The following DNAH5 variants were observed in gnomAD, a reference collection of about 807,000 sequenced individuals.
DNAH5 encodes dynein axonemal heavy chain 5.
Under a neutral mutation model 518.2 loss-of-function variants are expected in DNAH5, and 372 were observed. The ratio of observed to expected loss-of-function variants is 0.72; its 90% CI spans 0.66 to 0.78. DNAH5 has a LOEUF of 0.78. Ranked by LOEUF, DNAH5 falls within the 30% of genes least tolerant of loss-of-function variation. The pLI, the probability that DNAH5 is intolerant of heterozygous loss-of-function variation, is 0.00. For synonymous variants in DNAH5, 2,039 were observed against 2,025.9 expected, an observed-to-expected ratio of 1.01 and a Z score of -0.17; for missense variants, 5,523 against 5,687.0, an observed-to-expected ratio of 0.97 and a Z score of 0.93.
intron 74 of DNAH5, 103 bp from the exon 75 acceptor site, chr5:13,714,723 A>G: frequency 2.8e-6 from 3 of 1,087,422 alleles, no homozygotes; most frequent in Non-Finnish European, 4.1e-6. Flanking sequence ...GTATGCATTT[A>G]CTTAAGTCTT....
At chr5:14,008,246 G>A in intron 1 of DNAH5, among the ~76,000 whole-genome samples, 2 of 109,896 alleles carry the variant, frequency 1.8e-5, no homozygotes, top group African/African-American at 7.7e-5. Context: ...TTAGAAGGAA[G>A]GAAAGAAGGA....
rs79753205 is a variant in DNAH5, at chr5:13,814,258, T to C, written c.7230+347A>G. 1.2e-4 allele frequency among the ~76,000 whole-genome samples: 18 copies of C among 152,326 alleles called. No homozygotes were observed. In the East Asian group the frequency reaches 2.9e-3, roughly 25 times the overall value. ...ATGGTCCTCCTAAACTTTATGTGAA[T>C]GTGTACCTTTCAAAAATATCATGAA... On this transcript the variant is annotated intron_variant, in intron 43 of 78. Transcript: ENST00000265104.
At chr5:13,892,668 C>T (rs1773427105) in intron 16 of DNAH5, among the ~76,000 whole-genome samples, 1 of 152,152 alleles carries the variant, frequency 6.6e-6, no homozygotes, top group African/African-American at 2.4e-5. Flanking sequence ...TACTTTAATA[C>T]TAGTGTTCTA....
intron 1 of DNAH5, among the ~76,000 whole-genome samples, chr5:14,008,380 T>A (rs1561078735): frequency 6.6e-6 from 1 of 151,602 alleles, no homozygotes; most frequent in Non-Finnish European, 1.5e-5. Flanking sequence ...TCCAGCACTT[T>A]GGGAGGCCGA....
chr5:13,864,772 G>A (rs1768978734), intron 27 of DNAH5, 135 bp from the exon 28 acceptor site: 1 of 996,274 alleles, frequency 1.0e-6, no homozygotes, highest in African/African-American at 1.6e-5. Context: ...ATGACTTGCA[G>A]GCTGTCTGTT....
In DNAH5 at chr5:13,928,144, C is replaced by T; in HGVS notation, c.227G>A (p.Gly76Asp). Residue 76 changes from glycine to aspartate, a missense_variant, in exon 3 of 79, where the codon GGT becomes GAT. This residue lies in a region of DNAH5 where 5,121 missense variants were observed against 5,223.3 expected (regional missense o/e 0.98). Transcript: ENST00000265104. ...ERIDQLFAVG[G>D]LRHLMFYYQD... Reference sequence around the variant, plus strand: ...ATAGTAAAACATGAGGTGTCGGAGACCTCCAACAGCAAAAAGTTGATCAAT... The same window carrying T: ...ATAGTAAAACATGAGGTGTCGGAGATCTCCAACAGCAAAAAGTTGATCAAT... 1.2e-6 allele frequency: 2 copies of T among 1,613,838 alleles called. No individual in the cohort carries two copies. Among genetic ancestry groups the T allele is most frequent in the African/African-American group, 1.3e-5 (1 of 75,000 alleles).
chr5:13,911,320 C>T (rs553838275), intron 12 of DNAH5, 66 bp downstream of exon 12: 14 of 1,244,912 alleles, frequency 1.1e-5, no homozygotes, highest in Middle Eastern at 1.8e-4. Context: ...TAATGATTAA[C>T]GGCATTATAC....
intron 65 of DNAH5, among the ~76,000 whole-genome samples, chr5:13,744,588 T>C (rs371342760): frequency 6.6e-6 from 1 of 152,078 alleles, no homozygotes; most frequent in South Asian, 2.1e-4. Flanking sequence ...AATATCACTA[T>C]GTACCCCATA....
intron 75 of DNAH5, among the ~76,000 whole-genome samples, chr5:13,712,354 A>G (rs897813309): frequency 6.6e-6 from 1 of 152,242 alleles, no homozygotes; most frequent in African/African-American, 2.4e-5. Flanking sequence ...TAAGACCTGA[A>G]ACTACAAAAA....
intron 65 of DNAH5, among the ~76,000 whole-genome samples, chr5:13,745,421 C>CTT (rs1223473928): frequency 6.6e-6 from 1 of 152,090 alleles, no homozygotes; most frequent in African/African-American, 2.4e-5. Context: ...AAGTATAACT[C>CTT]TGTTAAAATT....
Position 13,739,200 on chromosome 5 carries a change from C to T in DNAH5, c.11212-1705G>A, listed in dbSNP as rs143143302. On this transcript the variant is annotated intron_variant, in intron 65 of 78. Transcript: ENST00000265104. ...GTAGGTGATATGGTTTGGCTCTGTG[C>T]CCCCACTCAAATCTCACCTTGAATT... Among the ~76,000 whole-genome samples, 71 of 152,214 alleles carry T rather than the reference C, an allele frequency of 4.7e-4. 1 individual carries two copies. The East Asian group carries it at 7.7e-3, about 17-fold the overall frequency.
intron 60 of DNAH5, among the ~76,000 whole-genome samples, chr5:13,760,313 A>C (rs1751604964): frequency 6.6e-6 from 1 of 152,178 alleles, no homozygotes; most frequent in African/African-American, 2.4e-5. Context: ...GACTTGTAGA[A>C]CTCTGTGCAG....
In DNAH5 at chr5:13,787,569, G is replaced by C. The variant is rs145444404; in HGVS notation, c.8647+1147C>G. On this transcript the variant is annotated intron_variant, in intron 51 of 78. Coordinates refer to ENST00000265104, the MANE Select transcript of DNAH5 (RefSeq NM_001369.3). ...GAAATAGTGTTTCAATGACACAAAA[G>C]GTTATGCATTTGTCTCTAGACCCTC... Among the ~76,000 whole-genome samples, 8 of 152,210 alleles carry C rather than the reference G, an allele frequency of 5.3e-5. No homozygotes were observed. In the East Asian group the frequency reaches 1.5e-3, roughly 29 times the overall value.
In DNAH5 at chr5:13,770,879, T is replaced by A. The variant is rs775721919; in HGVS notation, c.9475A>T (p.Lys3159Ter). Residue 3159 changes from lysine to a stop codon, truncating the protein, a stop_gained, in exon 56 of 79, where the codon AAG becomes TAG. Transcript: ENST00000265104. LOFTEE classifies it high-confidence loss of function. ...AATCTCTGAAAATAATCAACACACTTCTCAGCCACCCCATCCTGGAAGGAG... is the reference window on the plus strand; with the variant it reads ...AATCTCTGAAAATAATCAACACACTACTCAGCCACCCCATCCTGGAAGGAG... ...MGSFQDGVAE[K>*]CVDYFQRFRR... 6.2e-7 allele frequency: 1 copy of A among 1,614,000 alleles called. No homozygotes were observed. Among genetic ancestry groups the A allele is most frequent in the Non-Finnish European group, 8.5e-7 (1 of 1,179,958 alleles).
At chr5:13,959,797 G>A (rs962923890) in intron 1 of DNAH5, among the ~76,000 whole-genome samples, 4 of 152,042 alleles carry the variant, frequency 2.6e-5, no homozygotes, top group African/African-American at 7.2e-5. Context: ...GTGAAACCCC[G>A]TCTCTACTAA....
intron 47 of DNAH5, among the ~76,000 whole-genome samples, 183 bp downstream of exon 47, chr5:13,807,408 G>A (rs1759784695): frequency 6.6e-6 from 1 of 152,194 alleles, no homozygotes; most frequent in African/African-American, 2.4e-5. Context: ...AATTTAAGAT[G>A]TTATATTCTA....
At chr5:13,779,197 C>T (rs1370196815) in intron 53 of DNAH5, among the ~76,000 whole-genome samples, 1 of 152,186 alleles carries the variant, frequency 6.6e-6, no homozygotes, top group East Asian at 1.9e-4. Flanking sequence ...AGTCCAATCC[C>T]TTTCCTGTGC....
chr5:13,884,798 T>C (rs1772156783), intron 19 of DNAH5, among the ~76,000 whole-genome samples, 191 bp downstream of exon 19: 1 of 152,232 alleles, frequency 6.6e-6, no homozygotes, highest in South Asian at 2.1e-4. Flanking sequence ...ATCGTGCCGC[T>C]ACCCTCCAAC....
chr5:13,964,810 G>A (rs1354405167), intron 1 of DNAH5, among the ~76,000 whole-genome samples: 3 of 152,222 alleles, frequency 2.0e-5, no homozygotes, highest in Non-Finnish European at 4.4e-5. Context: ...TCAGGAATGA[G>A]AAGAGAAAAT....
Sources: gnomAD v4.1 joint callset for allele counts (sites outside exome capture counted in the v4.1 genomes callset) on GRCh38, gnomAD v4.1.1 for gene constraint, gnomAD v4.1.1 regional missense constraint, MANE v1.5 for transcripts, NCBI Gene and HGNC (gene_info 2026-07-23, HGNC 2026-07-21) for gene names.